Variants in IL3RA observed in about 807,000 individuals in gnomAD.
IL3RA encodes the protein interleukin-3 receptor subunit alpha.
In IL3RA, 73 loss-of-function variants were observed where a neutral mutation model predicts 52.3. The observed-to-expected ratio is 1.40, with a 90% confidence interval of 1.16 to 1.70. The LOEUF (loss-of-function observed/expected upper bound fraction) is 1.70. IL3RA is among the 40% of genes most tolerant of loss of function. The probability of loss-of-function intolerance (pLI) is 0.00; values close to 1 mark genes in which losing one functional copy is unlikely to be tolerated. For synonymous variants in IL3RA, 260 were observed against 194.0 expected (o/e 1.34, Z -2.83); for missense variants, 664 against 504.4 (o/e 1.32, Z -3.03).
intron 7 of IL3RA, 152 bp downstream of exon 7, chrX:1,356,488 G>C (rs2086726719): frequency 1.6e-6 from 1 of 616,554 alleles, no homozygotes. Flanking sequence ...AAAAACAAAA[G>C]GCCGGGCGCT....
intron 4 of IL3RA, among the ~76,000 whole-genome samples, chrX:1,351,005 G>A (rs144579214): frequency 0.013 from 1,923 of 152,058 alleles, 40 homozygotes; most frequent in African/African-American, 0.044. Context: ...TCAGGAATTC[G>A]CGACCAGTCT....
intron 11 of IL3RA, among the ~76,000 whole-genome samples, chrX:1,381,322 C>T (rs1486720191): frequency 3.9e-5 from 6 of 152,132 alleles, no homozygotes; most frequent in South Asian, 2.1e-4. Context: ...CACTTGAACC[C>T]GGGAGGTGGA....
At chrX:1,347,792 A>C (rs1336456088) in intron 3 of IL3RA, among the ~76,000 whole-genome samples, 1 of 151,594 alleles carries the variant, frequency 6.6e-6, no homozygotes, top group Non-Finnish European at 1.5e-5. Flanking sequence ...TCATCCCAGC[A>C]CTTTGGGAGG....
chrX:1,363,369 CGG>C (rs2087624825), intron 8 of IL3RA, among the ~76,000 whole-genome samples: 1 of 149,492 alleles, frequency 6.7e-6, no homozygotes. Flanking sequence ...GGCGCAATCT[CGG>C]CTCACTGCAA....
At chrX:1,376,595 G>T (rs1434971170) in intron 9 of IL3RA, among the ~76,000 whole-genome samples, 1 of 139,666 alleles carries the variant, frequency 7.2e-6, no homozygotes, top group Non-Finnish European at 1.6e-5. Flanking sequence ...AAGAAGAGGA[G>T]ATGAGGACAC....
intron 8 of IL3RA, among the ~76,000 whole-genome samples, chrX:1,362,841 T>C (rs1489537412): frequency 6.6e-6 from 1 of 152,042 alleles, no homozygotes; most frequent in Non-Finnish European, 1.5e-5. Context: ...AGTGGTGCGA[T>C]CTCAGCTCAC....
At chrX:1,380,055 C>T (rs1390622506) in intron 10 of IL3RA, among the ~76,000 whole-genome samples, 2 of 149,242 alleles carry the variant, frequency 1.3e-5, no homozygotes, top group African/African-American at 2.5e-5. Context: ...CCACCATGCC[C>T]GGATAATTTT....
chrX:1,342,402 G>A (rs1478436547), intron 2 of IL3RA, among the ~76,000 whole-genome samples: 1 of 151,980 alleles, frequency 6.6e-6, no homozygotes, highest in African/African-American at 2.4e-5. Context: ...CTGACCACAA[G>A]TGATCCGTCT....
chrX:1,361,350 A>C (rs188885833), intron 8 of IL3RA, among the ~76,000 whole-genome samples: 10,161 of 151,458 alleles, frequency 0.067, 468 homozygotes, highest in East Asian at 0.17. Context: ...TTTATAAACA[A>C]AAGAGGGTTC....
In IL3RA at chrX:1,358,378, G is replaced by A. The variant is rs760711404; in HGVS notation, c.733-483G>A. Among the ~76,000 whole-genome samples, 3 of 152,080 alleles carry A rather than the reference G, an allele frequency of 2.0e-5. No individual in the cohort carries two copies. In the South Asian group the frequency reaches 6.2e-4, roughly 32 times the overall value. ...ACAGTGGCCCATAAGAAACCTTTTGGGCCAGGCGCGATGGGGCATGCCTGT... is the reference window on the plus strand; with the variant it reads ...ACAGTGGCCCATAAGAAACCTTTTGAGCCAGGCGCGATGGGGCATGCCTGT... On this transcript the variant is annotated intron_variant, in intron 7 of 11. Coordinates refer to ENST00000331035, the MANE Select transcript of IL3RA (RefSeq NM_002183.4).
intron 9 of IL3RA, among the ~76,000 whole-genome samples, chrX:1,368,661 A>C (rs1843063101): frequency 6.6e-6 from 1 of 152,280 alleles, no homozygotes; most frequent in Admixed American, 6.5e-5. Context: ...TCCTTATAAG[A>C]AGAGGAGATG....
chrX:1,351,667 C>T (rs187305691), intron 4 of IL3RA, among the ~76,000 whole-genome samples: 1,832 of 147,794 alleles, frequency 0.012, 38 homozygotes, highest in Admixed American at 0.044. Context: ...CTCACTCTGT[C>T]GCCCAGGCTG....
At chrX:1,365,299 T>TGA (rs2087855646) in intron 9 of IL3RA, 47 bp downstream of exon 9, 1 of 1,146,728 alleles carries the variant, frequency 8.7e-7, no homozygotes, top group African/African-American at 2.1e-5. Flanking sequence ...GTGAGCGGGG[T>TGA]GCGCGGGGTG....
intron 6 of IL3RA, among the ~76,000 whole-genome samples, chrX:1,355,629 G>C (rs1464876250): frequency 5.3e-5 from 8 of 151,270 alleles, no homozygotes; most frequent in Non-Finnish European, 1.2e-4. Flanking sequence ...TGGGCCACTG[G>C]GAGAGGCGGC....
At chrX:1,354,374 C>T (rs1388849228) in intron 6 of IL3RA, among the ~76,000 whole-genome samples, 1 of 151,748 alleles carries the variant, frequency 6.6e-6, no homozygotes, top group Non-Finnish European at 1.5e-5. Flanking sequence ...ATGCCCAGAG[C>T]TGACGTGCCC....
In IL3RA at chrX:1,365,213, T is replaced by TA. The variant is rs764143895; in HGVS notation, c.836dup (p.Tyr279Ter). 13 of 1,610,924 alleles carry TA rather than the reference T, an allele frequency of 8.1e-6. No individual in the cohort carries two copies. Among genetic ancestry groups the TA allele is most frequent in the Non-Finnish European group, 1.1e-5 (13 of 1,178,882 alleles). ...TVQIRARERVYEFLSAWSTPQ... is the reference protein window; with the variant it reads ...TVQIRARERV ...ACAAATAAGAGCCCGGGAAAGAGTG[T>TA]ATGAATTCTTGAGCGCCTGGAGCAC... Residue 279 changes from tyrosine to a stop codon, truncating the protein, a stop_gained and frameshift_variant, in exon 9 of 12, where the codon TAT becomes TAAT. Transcript: ENST00000331035. LOFTEE classifies it high-confidence loss of function.
intron 9 of IL3RA, among the ~76,000 whole-genome samples, chrX:1,366,193 C>G (rs865915432): frequency 0.036 from 11 of 308 alleles, no homozygotes; most frequent in African/African-American, 0.083. Context: ...GGGTGCGCGG[C>G]GTGAGCCGGG....
chrX:1,363,009 C>T (rs1484290429), intron 8 of IL3RA, among the ~76,000 whole-genome samples: 8 of 152,056 alleles, frequency 5.3e-5, no homozygotes, highest in African/African-American at 1.9e-4. Flanking sequence ...CTCCTGACCT[C>T]AGGTGATCTA....
intron 10 of IL3RA, 51 bp downstream of exon 10, chrX:1,378,815 G>T: frequency 6.8e-7 from 1 of 1,474,646 alleles, no homozygotes; most frequent in Non-Finnish European, 9.5e-7. Context: ...GTGTGACCCT[G>T]AAAGTTATTC....
Sources: gnomAD v4.1 joint callset for allele counts (sites outside exome capture counted in the v4.1 genomes callset) on GRCh38, gnomAD v4.1.1 for gene constraint, MANE v1.5 for transcripts, NCBI Gene and HGNC (gene_info 2026-07-23, HGNC 2026-07-21) for gene names.